Variants in DDHD2 observed in about 807,000 individuals in gnomAD.
DDHD2 encodes DDHD domain containing 2.
Under a neutral mutation model 91.2 loss-of-function variants are expected in DDHD2, and 62 were observed. That is an observed-to-expected ratio of 0.68 (90% confidence interval 0.55 to 0.84). DDHD2 has a LOEUF of 0.84. DDHD2 is among the 40% of genes least tolerant of loss of function. The probability of loss-of-function intolerance (pLI) is 0.00; values close to 1 mark genes in which losing one functional copy is unlikely to be tolerated. For missense variants in DDHD2, 740 were observed against 846.9 expected (o/e 0.87, Z 1.57); for synonymous variants, 271 against 293.9 (o/e 0.92, Z 0.80).
At chr8:38,268,930 G>A in intron 1 of DDHD2, 8 of 1,563,688 alleles carry the variant, frequency 5.1e-6, no homozygotes, top group Non-Finnish European at 4.3e-6. Context: ...AGGGGTTCCG[G>A]TAGAGCCACA....
intron 16 of DDHD2, among the ~76,000 whole-genome samples, chr8:38,256,221 T>C (rs1226566505): frequency 6.6e-6 from 1 of 152,214 alleles, no homozygotes; most frequent in African/African-American, 2.4e-5. Context: ...TGCTCTGTTC[T>C]GCCACTGTAG....
At chr8:38,252,917 C>A (rs1563312591) in intron 14 of DDHD2, 40 bp from the exon 15 acceptor site, 2 of 1,611,668 alleles carry the variant, frequency 1.2e-6, no homozygotes, top group Non-Finnish European at 1.7e-6. Context: ...ACCCTAAGCT[C>A]TTTGTAAATC....
chr8:38,241,178 A>G (rs1361972567), intron 6 of DDHD2, among the ~76,000 whole-genome samples: 1 of 152,046 alleles, frequency 6.6e-6, no homozygotes, highest in Non-Finnish European at 1.5e-5. Flanking sequence ...ATAAACTAGA[A>G]TTGTATTGTG....
intron 1 of DDHD2, chr8:38,269,232 C>T (rs985888099): frequency 6.9e-7 from 1 of 1,448,806 alleles, no homozygotes; most frequent in Non-Finnish European, 9.0e-7. Flanking sequence ...GCTGCGCTGA[C>T]GTGGCCACCT....
rs757561403 is a variant in DDHD2 at position 38,267,870 on chromosome 8, C to T, written n.88-3252C>T. On this transcript the variant is annotated intron_variant and non_coding_transcript_variant, in intron 1 of 1. Coordinates refer to the DDHD2 transcript ENST00000526071. ...TGGTGGGTAAGGGCTGAGGCAGATG[C>T]TGGGGTGGTTAGCTGTTGTCACTTA... The T allele has an allele frequency of 5.6e-6, 9 of 1,610,504 alleles. No individual in the cohort carries two copies. In the African/African-American group the frequency reaches 6.7e-5, roughly 12 times the overall value.
intron 1 of DDHD2, among the ~76,000 whole-genome samples, chr8:38,232,378 T>G (rs1804345444): frequency 6.6e-6 from 1 of 152,278 alleles, no homozygotes; most frequent in Non-Finnish European, 1.5e-5. Context: ...AGCTTTCATC[T>G]GAGATTCTGG....
chr8:38,259,678 C>G (rs1251426531), intron 16 of DDHD2, among the ~76,000 whole-genome samples: 1 of 152,080 alleles, frequency 6.6e-6, no homozygotes, highest in African/African-American at 2.4e-5. Flanking sequence ...GCCACCGTGC[C>G]CAGCCCTAGT....
At chr8:38,232,221 C>G (rs1342918394) in intron 1 of DDHD2, 1 of 153,150 alleles carries the variant, frequency 6.5e-6, no homozygotes, top group Non-Finnish European at 1.5e-5. Flanking sequence ...GCGAGATGCC[C>G]TCCTGCCCCC....
intron 15 of DDHD2, 102 bp downstream of exon 15, chr8:38,253,229 A>T (rs1413540663): frequency 3.3e-6 from 4 of 1,200,938 alleles, no homozygotes; most frequent in Non-Finnish European, 4.6e-6. Flanking sequence ...TTAATTTCAT[A>T]GTTAATATTG....
intron 16 of DDHD2, 35 bp downstream of exon 16, chr8:38,253,753 T>C (rs1344289284): frequency 6.3e-7 from 1 of 1,599,852 alleles, no homozygotes. Flanking sequence ...TTTTGTTTGT[T>C]TACCTGTTTC....
chr8:38,264,937 C>G, downstream of DDHD2: 1 of 1,610,264 alleles, frequency 6.2e-7, no homozygotes, highest in Non-Finnish European at 8.5e-7. Context: ...CCATTTTCAC[C>G]ATTTAAAGGG....
chr8:38,238,117 G>A lies in DDHD2; in HGVS notation c.530G>A (p.Gly177Glu), dbSNP rs1463352630. ...KLMVHYQPVA[G>E]SDDWGSTPTE... is the part of the protein sequence containing the mutation. ...ATGGTGCATTACCAGCCAGTTGCAG[G>A]GTCTGATGATTGGGGTTCAACACCC... is the stretch of plus-strand genomic sequence containing the variant. Residue 177 changes from glycine to glutamate, a missense_variant, in exon 5 of 18, where the codon GGG becomes GAG. Physicochemically the swap from Gly to Glu is moderately conservative, Grantham distance 98. Around this residue, in one of 2 missense-constraint regions of DDHD2, gnomAD observed 693 missense variants for 764.2 expected, o/e 0.91. Transcript: ENST00000397166. The A allele has an allele frequency of 1.2e-6, 2 of 1,612,428 alleles. No homozygotes were observed. Among genetic ancestry groups the A allele is most frequent in the South Asian group, 1.1e-5 (1 of 90,630 alleles).
downstream of DDHD2, chr8:38,267,549 C>T (rs774985903): frequency 9.5e-6 from 8 of 838,744 alleles, no homozygotes; most frequent in Non-Finnish European, 1.4e-5. Context: ...AAGAGAAAAG[C>T]CTTTCAAGGT....
chr8:38,232,274 G>T (rs1020148359), intron 1 of DDHD2: 4 of 152,440 alleles, frequency 2.6e-5, no homozygotes, highest in African/African-American at 9.6e-5. Flanking sequence ...GGTGCCTGCG[G>T]CGCTGATCGT....
chr8:38,268,776 G>A (rs780019973), intron 1 of DDHD2: 3 of 1,439,622 alleles, frequency 2.1e-6, no homozygotes, highest in Non-Finnish European at 2.7e-6. Flanking sequence ...CAGCAGCGGA[G>A]TGGGCAGTGG....
downstream of DDHD2, chr8:38,273,381 T>C (rs1349428314): frequency 6.6e-6 from 1 of 152,176 alleles, no homozygotes. Context: ...AGAGCTCTGT[T>C]ACAGATATGA....
chr8:38,250,669 A>G (rs376250842), intron 11 of DDHD2: 12 of 152,164 alleles, frequency 7.9e-5, no homozygotes, highest in African/African-American at 2.9e-4. Flanking sequence ...AGTTTTACCA[A>G]TATCTACTTC....
intron 5 of DDHD2, among the ~76,000 whole-genome samples, chr8:38,239,373 C>CA (rs529440876): frequency 8.7e-3 from 444 of 51,132 alleles, no homozygotes; most frequent in Middle Eastern, 0.023. Context: ...GACTCTGTCT[C>CA]AAAAAAAAAA....
chr8:38,252,459 A>G (rs1201672637), intron 13 of DDHD2, among the ~76,000 whole-genome samples, 172 bp downstream of exon 13: 1 of 152,044 alleles, frequency 6.6e-6, no homozygotes, highest in Non-Finnish European at 1.5e-5. Flanking sequence ...ATTTTTTTAA[A>G]TGAACTTATG....
Sources: gnomAD v4.1 joint callset for allele counts (sites outside exome capture counted in the v4.1 genomes callset) on GRCh38, gnomAD v4.1.1 for gene constraint, gnomAD v4.1.1 regional missense constraint, MANE v1.5 for transcripts, NCBI Gene and HGNC (gene_info 2026-07-23, HGNC 2026-07-21) for gene names.